The following RABEP1 variants were observed in gnomAD, a reference collection of about 807,000 sequenced individuals.
RABEP1 encodes rabaptin, RAB GTPase binding effector protein 1.
A neutral mutation model predicts 123.4 loss-of-function variants in RABEP1; 51 were observed. The ratio of observed to expected loss-of-function variants is 0.41; its 90% CI spans 0.33 to 0.52. RABEP1 has a LOEUF of 0.52. Ranked by LOEUF, RABEP1 falls within the 20% of genes least tolerant of loss-of-function variation. RABEP1 has a pLI of 0.16. For missense variants in RABEP1, 888 were observed against 996.3 expected, an observed-to-expected ratio of 0.89 and a Z score of 1.46; for synonymous variants, 347 against 355.2, an observed-to-expected ratio of 0.98 and a Z score of 0.26.
chr17:5,360,789 ATC>A (rs1909447714), intron 8 of RABEP1, among the ~76,000 whole-genome samples: 2 of 152,222 alleles, frequency 1.3e-5, no homozygotes, highest in South Asian at 4.1e-4. Flanking sequence ...TCAAGGGAAT[ATC>A]TCTGCTTGGA....
In RABEP1 at chr17:5,335,119, T is replaced by TTA. The variant is rs1906940204; in HGVS notation, c.368-64_368-63dup. The TTA allele has an allele frequency of 1.9e-5, 26 of 1,396,268 alleles. No homozygotes were observed. The South Asian group carries it at 3.4e-4, about 18-fold the overall frequency. The allele number at this position is 1,396,268 out of a possible 1,614,324, so 86.5% of individuals were successfully genotyped here. ...AGCTTTTTATATAACTTTAAAAAAT[T>TTA]TAGTGTGCCAGGTTATTTTTTTTTC... On this transcript the variant is annotated intron_variant, in intron 3 of 17. Transcript: ENST00000537505.
intron 5 of RABEP1, among the ~76,000 whole-genome samples, chr17:5,345,463 C>T (rs1270607201): frequency 6.6e-6 from 1 of 152,130 alleles, no homozygotes; most frequent in Non-Finnish European, 1.5e-5. Context: ...GGGTCCTGCT[C>T]AGTAGTTTTC....
chr17:5,297,818 C>A (rs1332527365), intron 1 of RABEP1, among the ~76,000 whole-genome samples: 12 of 152,190 alleles, frequency 7.9e-5, no homozygotes, highest in Non-Finnish European at 1.3e-4. Context: ...AATTCCAGAG[C>A]CTGTGCTCTC....
chr17:5,381,248 TA>T, intron 16 of RABEP1, 140 bp from the exon 17 acceptor site: 8 of 1,205,082 alleles, frequency 6.6e-6, no homozygotes, highest in Middle Eastern at 2.0e-4. Flanking sequence ...GCCCTATAGA[TA>T]AAGAGATTGG....
rs558346761 is a variant in RABEP1, at chr17:5,327,106, G to C, written c.164-4843G>C. On this transcript the variant is annotated intron_variant, in intron 2 of 17. Transcript: ENST00000537505. Reference sequence around the variant, plus strand: ...CTCACGCCTGTAATCCCAGCACTTTGGGAGGCCGAGGTGGGCGGATCACCT... The same window carrying C: ...CTCACGCCTGTAATCCCAGCACTTTCGGAGGCCGAGGTGGGCGGATCACCT... Among the ~76,000 whole-genome samples, 7 of 152,290 alleles carry C rather than the reference G, an allele frequency of 4.6e-5. No homozygotes were observed. The South Asian group carries it at 1.5e-3, about 32-fold the overall frequency.
chr17:5,338,133 T>C lies in RABEP1; in HGVS notation c.643T>C (p.Ser215Pro). The C allele has an allele frequency of 6.2e-7, 1 of 1,611,678 alleles. No homozygotes were observed. Among genetic ancestry groups the C allele is most frequent in the Middle Eastern group, 1.7e-4 (1 of 6,054 alleles). Residue 215 changes from serine (S) to proline (P), a missense_variant, in exon 5 of 18, where the codon TCA (serine) becomes CCA (proline). By Grantham distance (74) the Ser-to-Pro change is moderately conservative. Coordinates refer to ENST00000537505, the MANE Select transcript of RABEP1 (RefSeq NM_004703.6). ...AEDKIKELEA[S>P]KVKELNHYLE... ...AGACAAAATTAAAGAGCTGGAGGCC[T>C]CAAAGGTTATGAAACATTGTAATCC...
chr17:5,343,436 C>A (rs1024067228), intron 5 of RABEP1, among the ~76,000 whole-genome samples: 4 of 151,892 alleles, frequency 2.6e-5, no homozygotes, highest in African/African-American at 9.7e-5. Context: ...TACCTGTAGT[C>A]CCAGCTACTC....
At chr17:5,323,830 A>G (rs916101772) in intron 2 of RABEP1, among the ~76,000 whole-genome samples, 1 of 124,760 alleles carries the variant, frequency 8.0e-6, no homozygotes, top group Non-Finnish European at 1.6e-5. Flanking sequence ...ATATATATAT[A>G]TATCTAGGAA....
intron 12 of RABEP1, among the ~76,000 whole-genome samples, chr17:5,371,090 T>C (rs1284425396): frequency 6.6e-6 from 1 of 152,076 alleles, no homozygotes; most frequent in Non-Finnish European, 1.5e-5. Context: ...CCTCAGCCTC[T>C]GGAGTAGCTG....
intron 1 of RABEP1, among the ~76,000 whole-genome samples, chr17:5,294,109 T>C (rs1254270101): frequency 6.6e-6 from 1 of 152,150 alleles, no homozygotes; most frequent in Non-Finnish European, 1.5e-5. Flanking sequence ...ATCTGCGGGG[T>C]CCACTTTCAT....
intron 2 of RABEP1, among the ~76,000 whole-genome samples, chr17:5,324,666 A>G (rs1352663761): frequency 2.6e-5 from 4 of 152,246 alleles, no homozygotes; most frequent in African/African-American, 9.6e-5. Flanking sequence ...CAAACTACCC[A>G]TCTCATAAGG....
chr17:5,287,973 A>G (rs535231807), intron 1 of RABEP1, among the ~76,000 whole-genome samples: 10 of 152,118 alleles, frequency 6.6e-5, no homozygotes, highest in Non-Finnish European at 1.3e-4. Flanking sequence ...ATGAATCCAG[A>G]AAAAAGATGT....
intron 8 of RABEP1, 111 bp downstream of exon 8, chr17:5,354,601 A>G (rs1230233342): frequency 1.3e-5 from 13 of 976,600 alleles, no homozygotes; most frequent in Non-Finnish European, 1.7e-5. Flanking sequence ...GTGCATAGCT[A>G]CGAGGTGAAA....
chr17:5,364,227 T>G (rs372675734), intron 10 of RABEP1: 9 of 152,120 alleles, frequency 5.9e-5, no homozygotes, highest in Non-Finnish European at 1.3e-4. Flanking sequence ...GGCTAAAAAT[T>G]AGTCAGAAAA....
At chr17:5,361,842 G>A in intron 9 of RABEP1, 167 bp downstream of exon 9, 1 of 607,410 alleles carries the variant, frequency 1.6e-6, no homozygotes, top group Non-Finnish European at 2.9e-6. Flanking sequence ...AGTCTGCCTT[G>A]GGTATTCCAG....
At chr17:5,373,189 C>G in intron 12 of RABEP1, 125 bp from the exon 13 acceptor site, 1 of 778,876 alleles carries the variant, frequency 1.3e-6, no homozygotes, top group South Asian at 2.9e-5. Context: ...CTAAGTCTAG[C>G]AGAACTTCAC....
chr17:5,286,602 G>T (rs1370734481), intron 1 of RABEP1, among the ~76,000 whole-genome samples: 3 of 152,146 alleles, frequency 2.0e-5, no homozygotes, highest in African/African-American at 7.2e-5. Flanking sequence ...ACCAGACCCA[G>T]TCCCTTTCCC....
intron 11 of RABEP1, among the ~76,000 whole-genome samples, chr17:5,367,417 A>T (rs35166593): frequency 5.3e-5 from 8 of 150,440 alleles, no homozygotes; most frequent in African/African-American, 1.2e-4. Flanking sequence ...GACTACAGGC[A>T]CCCGCCACCA....
At chr17:5,322,786 T>G (rs116003133) in intron 2 of RABEP1, among the ~76,000 whole-genome samples, 1 of 152,094 alleles carries the variant, frequency 6.6e-6, no homozygotes, top group Non-Finnish European at 1.5e-5. Flanking sequence ...ACAAAAGCCA[T>G]ATGGTTGGCC....
Sources: allele counts gnomAD v4.1 joint callset (sites outside exome capture counted in the v4.1 genomes callset), GRCh38; gene constraint gnomAD v4.1.1; transcripts MANE v1.5; gene names NCBI Gene and HGNC (gene_info 2026-07-23, HGNC 2026-07-21).